Variants in FHIT observed in about 807,000 individuals in gnomAD.
The protein encoded by FHIT is fragile histidine triad diadenosine triphosphatase.
FHIT carries 19 observed loss-of-function variants against 17.9 expected under a neutral mutation model. The observed-to-expected ratio is 1.06, with a 90% CI of 0.74 to 1.56. The LOEUF is 1.56. Ranked by LOEUF, FHIT falls within the 40% of genes most tolerant of loss-of-function variation. The pLI is 0.00. For synonymous variants in FHIT, 81 were observed against 69.7 expected (o/e 1.16, Z -0.81); for missense variants, 248 against 189.2 (o/e 1.31, Z -1.82).
chr3:60,298,357 G>T (rs554583203), intron 5 of FHIT, among the ~76,000 whole-genome samples: 23 of 152,074 alleles, frequency 1.5e-4, no homozygotes, highest in Middle Eastern at 6.8e-3. Flanking sequence ...CTATCTAGGG[G>T]CCCCAGCCAC....
At chr3:61,011,444 T>C (rs918638297) in intron 3 of FHIT, among the ~76,000 whole-genome samples, 1 of 152,158 alleles carries the variant, frequency 6.6e-6, no homozygotes, top group Non-Finnish European at 1.5e-5. Context: ...ATATCAGTTA[T>C]TGAAATCCTC....
chr3:60,350,905 G>C (rs899952767), intron 5 of FHIT, among the ~76,000 whole-genome samples: 4 of 152,184 alleles, frequency 2.6e-5, no homozygotes, highest in African/African-American at 7.2e-5. Flanking sequence ...ACTCACTCGA[G>C]AGTCTCTCTC....
intron 8 of FHIT, among the ~76,000 whole-genome samples, chr3:59,880,746 A>G (rs1048899486): frequency 1.3e-5 from 2 of 152,238 alleles, no homozygotes; most frequent in Admixed American, 6.5e-5. Context: ...TATAAGAGCA[A>G]GAACAGAGGT....
At chr3:60,943,372 T>C (rs1431770605) in intron 3 of FHIT, among the ~76,000 whole-genome samples, 1 of 152,168 alleles carries the variant, frequency 6.6e-6, no homozygotes, top group Non-Finnish European at 1.5e-5. Context: ...TTATCTGTAA[T>C]AATATTTTTG....
intron 8 of FHIT, among the ~76,000 whole-genome samples, chr3:59,836,698 T>C (rs992245559): frequency 6.6e-6 from 1 of 152,074 alleles, no homozygotes; most frequent in Non-Finnish European, 1.5e-5. Flanking sequence ...TTGAGAGTAA[T>C]TGGGCCCAGG....
intron 5 of FHIT, among the ~76,000 whole-genome samples, chr3:60,339,437 A>G (rs1029498883): frequency 6.6e-6 from 1 of 152,210 alleles, no homozygotes; most frequent in African/African-American, 2.4e-5. Flanking sequence ...TTAACTTACC[A>G]GGCAGCAGTA....
Position 59,904,820 on chromosome 3 carries a change from GC to G in FHIT, c.348+17525del, listed in dbSNP as rs552356720. 5.5e-3 allele frequency among the ~76,000 whole-genome samples: 844 copies of G among 152,316 alleles called. 12 individuals carry two copies. Among genetic ancestry groups the G allele is most frequent in the African/African-American group, 0.019 (809 of 41,554 alleles). On this transcript the variant is annotated intron_variant, in intron 8 of 9. Transcript: ENST00000492590. ...GAAGGTGAGAAAGTTCCCCTGTGTG[GC>G]TGGGCCTGGGGCCTTTTCCAGACTT...
intron 5 of FHIT, among the ~76,000 whole-genome samples, chr3:60,362,315 A>G (rs1699938327): frequency 6.6e-6 from 1 of 152,166 alleles, no homozygotes; most frequent in Non-Finnish European, 1.5e-5. Context: ...GTAATCCTAT[A>G]TATCTGCTGG....
intron 3 of FHIT, among the ~76,000 whole-genome samples, chr3:60,932,408 T>C (rs1324842434): frequency 1.3e-5 from 2 of 152,146 alleles, no homozygotes; most frequent in Non-Finnish European, 2.9e-5. Context: ...TACTGATCTC[T>C]ACAGACTCAT....
intron 3 of FHIT, among the ~76,000 whole-genome samples, chr3:60,827,392 T>C (rs1258648706): frequency 2.0e-5 from 3 of 152,230 alleles, no homozygotes; most frequent in African/African-American, 4.8e-5. Flanking sequence ...AATAGTTGCA[T>C]ATCATCCTTT....
intron 8 of FHIT, among the ~76,000 whole-genome samples, chr3:59,782,742 A>G (rs1289803229): frequency 2.6e-5 from 4 of 152,208 alleles, no homozygotes; most frequent in Non-Finnish European, 2.9e-5. Context: ...TGTCTCACAA[A>G]CAGACTCCAA....
chr3:59,828,580 A>G (rs1298026677), intron 8 of FHIT, among the ~76,000 whole-genome samples: 1 of 152,236 alleles, frequency 6.6e-6, no homozygotes, highest in Non-Finnish European at 1.5e-5. Flanking sequence ...GACGCTAGAT[A>G]CAACGGTTCA....
intron 2 of FHIT, among the ~76,000 whole-genome samples, chr3:61,151,347 C>T (rs148269704): frequency 2.6e-5 from 4 of 152,334 alleles, no homozygotes; most frequent in African/African-American, 9.6e-5. Context: ...AAGTCCCACT[C>T]ATTTCCAGGA....
intron 2 of FHIT, among the ~76,000 whole-genome samples, chr3:61,158,960 A>T (rs2037611423): frequency 6.6e-6 from 1 of 152,218 alleles, no homozygotes; most frequent in African/African-American, 2.4e-5. Flanking sequence ...GACTGGGAAA[A>T]GTCCCATGAT....
At chr3:59,911,740 G>A (rs1459445795) in intron 8 of FHIT, among the ~76,000 whole-genome samples, 3 of 152,132 alleles carry the variant, frequency 2.0e-5, no homozygotes, top group Non-Finnish European at 4.4e-5. Context: ...GTTTTGACAG[G>A]AGGCAGGCAG....
intron 2 of FHIT, among the ~76,000 whole-genome samples, chr3:61,070,208 T>C (rs9836639): frequency 0.1 from 15,970 of 152,216 alleles, 2,522 homozygotes; most frequent in African/African-American, 0.34. Context: ...ACCACCATTT[T>C]GATTGGCATG....
intron 5 of FHIT, among the ~76,000 whole-genome samples, chr3:60,286,005 T>A (rs1707709342): frequency 6.6e-6 from 1 of 152,064 alleles, no homozygotes; most frequent in Admixed American, 6.6e-5. Context: ...AAGAAAAGCA[T>A]CCCAGGAGAG....
chr3:60,509,175 C>A (rs1160450552), intron 5 of FHIT, among the ~76,000 whole-genome samples: 1 of 152,152 alleles, frequency 6.6e-6, no homozygotes, highest in Non-Finnish European at 1.5e-5. Flanking sequence ...AGGAATGTGA[C>A]TCTTGGCGAT....
intron 5 of FHIT, among the ~76,000 whole-genome samples, chr3:60,189,535 T>C (rs1702308346): frequency 6.6e-6 from 1 of 152,206 alleles, no homozygotes; most frequent in African/African-American, 2.4e-5. Context: ...TATAAGTAGA[T>C]TACAAATGAC....
Sources: allele counts gnomAD v4.1 joint callset (sites outside exome capture counted in the v4.1 genomes callset), GRCh38; gene constraint gnomAD v4.1.1; transcripts MANE v1.5; gene names NCBI Gene and HGNC (gene_info 2026-07-23, HGNC 2026-07-21).